The following APLP1 variants were observed in gnomAD, a reference collection of about 807,000 sequenced individuals.
APLP1 encodes amyloid beta precursor like protein 1, also known as amyloid beta (A4) precursor-like protein 1.
A neutral mutation model predicts 84.5 loss-of-function variants in APLP1; 46 were observed. The ratio of observed to expected loss-of-function variants is 0.54; its 90% confidence interval spans 0.43 to 0.70. APLP1 has a LOEUF of 0.70. Among genes scored for constraint, APLP1 ranks in the 30% least tolerant of loss-of-function variants. The pLI is 0.00. For synonymous variants in APLP1, 376 were observed against 364.0 expected, an observed-to-expected ratio of 1.03 and a Z score of -0.38; for missense variants, 826 against 900.2, an observed-to-expected ratio of 0.92 and a Z score of 1.05.
intron 8 of APLP1, 97 bp downstream of exon 8, chr19:35,873,810 A>AC: frequency 9.1e-7 from 1 of 1,099,080 alleles, no homozygotes; most frequent in Non-Finnish European, 1.4e-6. Flanking sequence ...ATCCAGTTCC[A>AC]CCCCTTCCCA....
chr19:35,874,441 T>A lies in APLP1; in HGVS notation c.1057-63T>A. The A allele has an allele frequency of 1.3e-6, 2 of 1,590,980 alleles. No homozygotes were observed. Among genetic ancestry groups the A allele is most frequent in the Non-Finnish European group, 1.7e-6 (2 of 1,162,848 alleles). Reference sequence around the variant, plus strand: ...CCCATGTAGCCCTGCCTTTCCAGGCTCTCTTTGACCAGGCTTTGACCCATC... The same window carrying A: ...CCCATGTAGCCCTGCCTTTCCAGGCACTCTTTGACCAGGCTTTGACCCATC... On this transcript the variant is annotated intron_variant, in intron 8 of 16. Transcript: ENST00000221891. This position sits in a 1 kb window ranked among gnomAD's most constrained non-coding sequence, Gnocchi z 6.4.
At chr19:35,878,154 C>T in intron 13 of APLP1, 46 bp downstream of exon 13, 6 of 1,592,312 alleles carry the variant, frequency 3.8e-6, no homozygotes, top group Non-Finnish European at 5.1e-6. Flanking sequence ...CCACTGAATC[C>T]CTGAACCCAG....
At chr19:35,873,242 A>C (rs1001037152) in intron 7 of APLP1, among the ~76,000 whole-genome samples, 1 of 148,232 alleles carries the variant, frequency 6.7e-6, no homozygotes, top group Non-Finnish European at 1.5e-5. Flanking sequence ...GGGGCCTTTA[A>C]ATCTTTTTTT....
chr19:35,869,558 T>C, intron 1 of APLP1, 109 bp from the exon 2 acceptor site: 1 of 1,442,304 alleles, frequency 6.9e-7, no homozygotes, highest in Admixed American at 2.0e-5. Flanking sequence ...TGTGCGGTGC[T>C]TGGGGGAGGG....
rs1441683529 is a variant in APLP1 at position 35,868,971 on chromosome 19, C to A, written c.147+188C>A. 4.9e-6 allele frequency: 2 copies of A among 404,460 alleles called. No individual in the cohort carries two copies. Among genetic ancestry groups the A allele is most frequent in the Non-Finnish European group, 8.6e-6 (2 of 233,202 alleles). The allele number at this position is 404,460 out of a possible 1,614,324, so 25.1% of individuals were successfully genotyped here. A position where few individuals can be genotyped will look rare whatever the true frequency, so the allele number is the denominator to read the frequency against. ...CTCCCCCATCATGCGACGTCCCAGC[C>A]CCCTCCCATCTCGAGCATAGGAACT... On this transcript the variant is annotated intron_variant, in intron 1 of 16. Transcript: ENST00000221891. The surrounding 1 kb of genome is among the most constrained non-coding windows in gnomAD (Gnocchi z 5.2).
At chr19:35,875,718 C>A (rs1974267862) in intron 10 of APLP1, among the ~76,000 whole-genome samples, 1 of 152,176 alleles carries the variant, frequency 6.6e-6, no homozygotes, top group Non-Finnish European at 1.5e-5. Context: ...GCCTTGGCCT[C>A]CCAAAGTGCT....
chr19:35,874,877 C>T lies in APLP1; in HGVS notation c.1344+8C>T, dbSNP rs1183540727. 2 of 1,606,048 alleles carry T rather than the reference C, an allele frequency of 1.2e-6. No individual in the cohort carries two copies. Among genetic ancestry groups the T allele is most frequent in the Admixed American group, 3.3e-5 (2 of 59,994 alleles). ...CAGCAGATGCGCTTCCAGGTGCTCA[C>T]ATCCTTCCAGCTCCCAAATGCGCCG... On this transcript the variant is annotated splice_region_variant and intron_variant, in intron 10 of 16. Transcript: ENST00000221891. The surrounding 1 kb of genome is among the most constrained non-coding windows in gnomAD (Gnocchi z 6.4).
rs1352090215 is a variant in APLP1, at chr19:35,871,845, CCTG to C, written c.672-10_672-8del. ...TGGGTTCTTACTGCCTGGGTCCTCT[CCTG>C]CTCCCTCAGTGACCCCTCCACCCGG... On this transcript the variant is annotated splice_polypyrimidine_tract_variant and intron_variant, in intron 5 of 16. Coordinates refer to ENST00000221891, the MANE Select transcript of APLP1 (RefSeq NM_001024807.3). 1.2e-6 allele frequency: 2 copies of C among 1,613,656 alleles called. No homozygotes were observed. The highest frequency in any genetic ancestry group is 2.2e-5 in the South Asian group (2 of 91,070).
Position 35,871,003 on chromosome 19 carries a change from C to G in APLP1, c.399C>G (p.His133Gln). ...SRSGSCAHPHHQVVPFRCLPG... is the reference protein window; with the variant it reads ...SRSGSCAHPHQQVVPFRCLPG... ...GCGGCAGCTGCGCCCACCCCCACCA[C>G]CAGGTTGTGCCCTTCCGCTGCCTGC... Residue 133 changes from histidine to glutamine, a missense_variant, in exon 3 of 17, where the codon CAC becomes CAG. By Grantham distance (24) the His-to-Gln change is conservative. Around this residue, in one of 3 missense-constraint regions of APLP1, gnomAD observed 383 missense variants for 378.3 expected, o/e 1.01. Transcript: ENST00000221891. The G allele has an allele frequency of 6.5e-7, 1 of 1,544,274 alleles. No individual in the cohort carries two copies. The highest frequency in any genetic ancestry group is 8.7e-7 in the Non-Finnish European group (1 of 1,146,062).
At chr19:35,876,409 T>C in intron 10 of APLP1, 108 bp from the exon 11 acceptor site, 3 of 920,610 alleles carry the variant, frequency 3.3e-6, no homozygotes, top group South Asian at 2.7e-5. Flanking sequence ...GTCCATTGCA[T>C]GTGCCGCTTT....
At chr19:35,873,526 C>T (rs1974209066) in intron 7 of APLP1, 113 bp from the exon 8 acceptor site, 1 of 1,013,500 alleles carries the variant, frequency 9.9e-7, no homozygotes, top group Non-Finnish European at 1.5e-6. Flanking sequence ...GGATTACAGG[C>T]ATGAGCCACT....
chr19:35,877,819 A>G lies in APLP1; in HGVS notation c.1546A>G (p.Lys516Glu). 6.2e-7 allele frequency: 1 copy of G among 1,609,128 alleles called. No homozygotes were observed. The highest frequency in any genetic ancestry group is 2.2e-5 in the East Asian group (1 of 44,664). ...DKGGLQPPDS[K>E]DADTPMTLPK... is the part of the protein sequence containing the mutation. ...GGGTGGGCTGCAGCCTCCAGATTCC[A>G]AGGATGGTGAGTGAGCCCACATATA... Residue 516 changes from lysine to glutamate, a missense_variant, in exon 12 of 17, where the codon AAG (lysine) becomes GAG (glutamate). Lys to Glu is a moderately conservative substitution (Grantham distance 56). Coordinates refer to ENST00000221891, the MANE Select transcript of APLP1 (RefSeq NM_001024807.3).
chr19:35,872,859 T>TC (rs201989137), intron 7 of APLP1, among the ~76,000 whole-genome samples: 2 of 151,450 alleles, frequency 1.3e-5, no homozygotes, highest in African/African-American at 4.9e-5. Flanking sequence ...TTTTTTTTTT[T>TC]CTTTTGTTGT....
chr19:35,879,319 C>A, intron 16 of APLP1, 24 bp from the exon 17 acceptor site: 25 of 1,613,338 alleles, frequency 1.5e-5, no homozygotes, highest in Non-Finnish European at 2.1e-5. Context: ...CCACACTGTC[C>A]TTTCCCTCCC....
chr19:35,876,787 G>A (rs566734599), intron 11 of APLP1, among the ~76,000 whole-genome samples, 171 bp downstream of exon 11: 47 of 152,310 alleles, frequency 3.1e-4, no homozygotes, highest in African/African-American at 1.0e-3. Flanking sequence ...TCCGGTCTGC[G>A]CTCAGCAGAG....
intron 8 of APLP1, 87 bp downstream of exon 8, chr19:35,873,800 A>G (rs759574374): frequency 7.1e-6 from 9 of 1,266,152 alleles, no homozygotes; most frequent in Non-Finnish European, 1.0e-5. Context: ...TGCCCTGCCC[A>G]TCCAGTTCCA....
chr19:35,877,951 C>CT (rs1255425673), intron 12 of APLP1, 126 bp downstream of exon 12: 6 of 1,306,964 alleles, frequency 4.6e-6, no homozygotes, highest in African/African-American at 1.5e-5. Context: ...GGAGGAACGT[C>CT]TAAGGTTGCA....
At chr19:35,871,182 G>C (rs1165392730) in intron 3 of APLP1, 55 bp from the exon 4 acceptor site, 1 of 1,574,136 alleles carries the variant, frequency 6.4e-7, no homozygotes, top group Non-Finnish European at 8.7e-7. Flanking sequence ...ATTCTGAGGA[G>C]GGTGGGGTTG....
intron 11 of APLP1, 87 bp from the exon 12 acceptor site, chr19:35,877,631 T>G: frequency 2.6e-5 from 22 of 839,602 alleles, no homozygotes; most frequent in Non-Finnish European, 3.8e-5. Context: ...GCTGTCTGCA[T>G]GATCTCCCAC....
Sources: gnomAD v4.1 joint callset for allele counts (sites outside exome capture counted in the v4.1 genomes callset) on GRCh38, gnomAD v4.1.1 for gene constraint, gnomAD v4.1.1 regional missense constraint, Gnocchi (gnomAD v3.1) non-coding constraint, MANE v1.5 for transcripts, NCBI Gene and HGNC (gene_info 2026-07-23, HGNC 2026-07-21) for gene names.